ELAVL4: variants seen among roughly 807,000 people sequenced by gnomAD.
The protein encoded by ELAVL4 is ELAV-like protein 4.
In ELAVL4, 1 loss-of-function variant was observed where a neutral mutation model predicts 35.6. The observed-to-expected ratio is 0.03, with a 90% CI of 0.01 to 0.13. The LOEUF (loss-of-function observed/expected upper bound fraction) is 0.13, where lower values mean the gene tolerates loss of function less well. Ranked by LOEUF, ELAVL4 falls within the 10% of genes least tolerant of loss-of-function variation. The pLI is 1.00. For missense variants in ELAVL4, 267 were observed against 464.9 expected, an observed-to-expected ratio of 0.57 and a Z score of 3.91; for synonymous variants, 156 against 171.0, an observed-to-expected ratio of 0.91 and a Z score of 0.69.
intron 1 of ELAVL4, among the ~76,000 whole-genome samples, chr1:50,121,470 A>AT (rs1669028338): frequency 6.6e-6 from 1 of 152,102 alleles, no homozygotes; most frequent in African/African-American, 2.4e-5. Context: ...GGTACTTATT[A>AT]AGGGTTAGTA....
chr1:50,177,277 G>A, intron 3 of ELAVL4, 85 bp downstream of exon 3: 1 of 1,016,942 alleles, frequency 9.8e-7, no homozygotes, highest in Non-Finnish European at 1.5e-6. Context: ...GCTATGTGGG[G>A]GCTGGAAGCA....
intron 1 of ELAVL4, among the ~76,000 whole-genome samples, chr1:50,095,590 A>T (rs1438335738): frequency 1.3e-5 from 2 of 152,154 alleles, no homozygotes; most frequent in African/African-American, 4.8e-5. Context: ...ATATTAACTA[A>T]TGTCACTGCC....
intron 1 of ELAVL4, among the ~76,000 whole-genome samples, chr1:50,074,044 G>A (rs1217490764): frequency 6.6e-6 from 1 of 152,158 alleles, no homozygotes; most frequent in East Asian, 1.9e-4. Flanking sequence ...CAGCAGTCCA[G>A]AAAACATTAT....
At chr1:50,114,438 G>A (rs765447133) in intron 1 of ELAVL4, among the ~76,000 whole-genome samples, 6 of 151,854 alleles carry the variant, frequency 4.0e-5, no homozygotes, top group African/African-American at 7.3e-5. Context: ...GGCTTTTATA[G>A]GTCACTGGCT....
chr1:50,135,447 G>C (rs959414080), intron 1 of ELAVL4, among the ~76,000 whole-genome samples: 1 of 152,094 alleles, frequency 6.6e-6, no homozygotes, highest in Non-Finnish European at 1.5e-5. Flanking sequence ...GAAGGAGACT[G>C]CTTAAAACAA....
chr1:50,165,457 T>TACAC (rs542493288), intron 2 of ELAVL4, among the ~76,000 whole-genome samples: 15 of 148,906 alleles, frequency 1.0e-4, no homozygotes, highest in Non-Finnish European at 1.8e-4. Context: ...TAGATATAGA[T>TACAC]ACACACACAC....
intron 3 of ELAVL4, among the ~76,000 whole-genome samples, chr1:50,184,027 C>T (rs3009113): frequency 0.47 from 70,817 of 151,996 alleles, 19,213 homozygotes; most frequent in Middle Eastern, 0.64. Context: ...AGAGAGAGCA[C>T]GTGGCAATGC....
chr1:50,109,077 G>A lies in ELAVL4; in HGVS notation c.-113G>A. 1 of 1,055,154 alleles carries A rather than the reference G, an allele frequency of 9.5e-7. No homozygotes were observed. Among genetic ancestry groups the A allele is most frequent in the Non-Finnish European group, 1.1e-6 (1 of 880,100 alleles). The allele number at this position is 1,055,154 out of a possible 1,614,324, so 65.4% of individuals were successfully genotyped here. On this transcript the variant is annotated 5_prime_UTR_variant, in exon 1 of 7. Coordinates refer to ENST00000371824, the MANE Select transcript of ELAVL4 (RefSeq NM_001144774.3). ...TACAATCATCCACACTGTGTTTTGTGGATCTTTAATTATATATAACAATAG... is the reference window on the plus strand; with the variant it reads ...TACAATCATCCACACTGTGTTTTGTAGATCTTTAATTATATATAACAATAG...
At chr1:50,178,372 A>G (rs796913604) in intron 3 of ELAVL4, among the ~76,000 whole-genome samples, 1 of 152,362 alleles carries the variant, frequency 6.6e-6, no homozygotes, top group African/African-American at 2.4e-5. Flanking sequence ...GATAGAGGAG[A>G]CTACTGGTAT....
intron 3 of ELAVL4, among the ~76,000 whole-genome samples, chr1:50,183,248 G>T (rs953215660): frequency 6.6e-6 from 1 of 152,080 alleles, no homozygotes; most frequent in Non-Finnish European, 1.5e-5. Flanking sequence ...ATTACCCAAA[G>T]GATTAAAATA....
chr1:50,185,135 G>C (rs114537045), intron 3 of ELAVL4, among the ~76,000 whole-genome samples: 2 of 152,154 alleles, frequency 1.3e-5, no homozygotes, highest in African/African-American at 4.8e-5. Flanking sequence ...TGGCCCTGCG[G>C]ATTAAAGACT....
intron 1 of ELAVL4, among the ~76,000 whole-genome samples, chr1:50,086,325 A>T (rs1005369568): frequency 6.6e-6 from 1 of 151,992 alleles, no homozygotes; most frequent in Admixed American, 6.6e-5. Context: ...TTGAAATTGT[A>T]TGAAATGTAA....
upstream of ELAVL4, among the ~76,000 whole-genome samples, chr1:50,103,665 A>G (rs902457838): frequency 6.6e-6 from 1 of 152,208 alleles, no homozygotes; most frequent in Non-Finnish European, 1.5e-5. Context: ...GACGCTATTT[A>G]AATGGTGTGC....
At chr1:50,143,093 G>T (rs1369689336) in intron 1 of ELAVL4, among the ~76,000 whole-genome samples, 4 of 152,182 alleles carry the variant, frequency 2.6e-5, no homozygotes, top group Non-Finnish European at 4.4e-5. Flanking sequence ...CCTTTGAGGG[G>T]TGAGGTAAAT....
At chr1:50,131,591 C>T (rs189376490) in intron 1 of ELAVL4, among the ~76,000 whole-genome samples, 1 of 152,098 alleles carries the variant, frequency 6.6e-6, no homozygotes, top group East Asian at 1.9e-4. Context: ...ACATTGAGAC[C>T]ATCCTAGCCA....
At chr1:50,105,193 C>T (rs188702677), upstream of ELAVL4, among the ~76,000 whole-genome samples, 1 of 152,148 alleles carries the variant, frequency 6.6e-6, no homozygotes, top group Non-Finnish European at 1.5e-5. Context: ...AAACTCTTGC[C>T]TCCATCTTGT....
chr1:50,125,250 A>T (rs1044514066), intron 1 of ELAVL4, among the ~76,000 whole-genome samples: 9 of 152,082 alleles, frequency 5.9e-5, no homozygotes, highest in Admixed American at 2.0e-4. Flanking sequence ...TTAAAAAAAA[A>T]AAATAAAAGT....
intron 1 of ELAVL4, among the ~76,000 whole-genome samples, chr1:50,092,223 C>T (rs979992499): frequency 4.6e-5 from 7 of 152,076 alleles, no homozygotes; most frequent in African/African-American, 1.7e-4. Flanking sequence ...GGATTGGAAA[C>T]ACAAAAAGAG....
At chr1:50,119,124 G>A (rs1329731571) in intron 1 of ELAVL4, among the ~76,000 whole-genome samples, 1 of 151,806 alleles carries the variant, frequency 6.6e-6, no homozygotes, top group African/African-American at 2.4e-5. Context: ...TATGGAACAG[G>A]CAGACAATAA....
Sources: allele counts gnomAD v4.1 joint callset (sites outside exome capture counted in the v4.1 genomes callset), GRCh38; gene constraint gnomAD v4.1.1; transcripts MANE v1.5; gene names NCBI Gene and HGNC (gene_info 2026-07-23, HGNC 2026-07-21).